Variants in ANOS1 observed in about 807,000 individuals in gnomAD.
ANOS1 encodes anosmin 1.
Under a neutral mutation model 59.0 loss-of-function variants are expected in ANOS1, and 6 were observed. The observed-to-expected ratio is 0.10, with a 90% CI of 0.06 to 0.20. ANOS1 has a LOEUF of 0.20. Ranked by LOEUF, ANOS1 falls within the 10% of genes least tolerant of loss-of-function variation. The probability of loss-of-function intolerance (pLI) is 1.00; values close to 1 mark genes in which losing one functional copy is unlikely to be tolerated. For synonymous variants in ANOS1, 217 were observed against 223.4 expected (o/e 0.97, Z 0.25); for missense variants, 433 against 542.3 (o/e 0.80, Z 2.00).
intron 2 of ANOS1, among the ~76,000 whole-genome samples, chrX:8,624,011 C>CTTTTTTTTTTTTTT (rs566769185): frequency 1.4e-5 from 1 of 69,414 alleles, no homozygotes; most frequent in African/African-American, 5.3e-5. Context: ...CTTTTCTTTT[C>CTTTTTTTTTTTTTT]TTTTTTTTTT....
intron 4 of ANOS1, among the ~76,000 whole-genome samples, chrX:8,595,212 T>C (rs951662657): frequency 3.6e-5 from 4 of 111,642 alleles, no homozygotes; most frequent in African/African-American, 1.3e-4. Flanking sequence ...TACTCATACA[T>C]AGCATATTAT....
intron 4 of ANOS1, among the ~76,000 whole-genome samples, chrX:8,594,918 T>C (rs1416150294): frequency 9.4e-6 from 1 of 106,226 alleles, no homozygotes. Context: ...AGCTAATTTG[T>C]AGTAGAAGAG....
intron 2 of ANOS1, among the ~76,000 whole-genome samples, chrX:8,698,943 G>A (rs1932723265): frequency 9.0e-6 from 1 of 111,506 alleles, no homozygotes; most frequent in East Asian, 2.8e-4. Flanking sequence ...AAAATAAGGT[G>A]TACTTCTATT....
At chrX:8,626,980 A>AT (rs1415721365) in intron 2 of ANOS1, among the ~76,000 whole-genome samples, 2 of 111,184 alleles carry the variant, frequency 1.8e-5, no homozygotes, top group Non-Finnish European at 3.8e-5. Context: ...CTTGTTACTT[A>AT]TTTTTTCTAG....
At chrX:8,639,648 ACTT>A (rs1333922452) in intron 2 of ANOS1, among the ~76,000 whole-genome samples, 2 of 112,420 alleles carry the variant, frequency 1.8e-5, no homozygotes, top group Non-Finnish European at 3.8e-5. Flanking sequence ...CTCATATCCA[ACTT>A]ACTCATTTTA....
chrX:8,653,109 A>G (rs5978936), intron 2 of ANOS1, among the ~76,000 whole-genome samples: 35,104 of 109,339 alleles, frequency 0.32, 6,573 homozygotes, highest in African/African-American at 0.71. Flanking sequence ...ACCCGCCTCA[A>G]CCTCCCAAAA....
rs190631963 is a variant in ANOS1 at position 8,570,604 on chromosome X, C to T, written c.957G>A (p.Glu319=). 1,245 of 1,209,316 alleles carry T rather than the reference C, an allele frequency of 1.0e-3. 15 individuals carry two copies. In the Admixed American group the frequency reaches 0.026, roughly 25 times the overall value. Reference sequence around the variant, plus strand: ...AATGATGCACAGGGATGTCCGGCTCCTCGGGGAGATCCCAAACTATAGTGA... The same window carrying T: ...AATGATGCACAGGGATGTCCGGCTCTTCGGGGAGATCCCAAACTATAGTGA... ...VTVTIVWDLP[E]EPDIPVHHYK... The change falls in exon 7 of 14, where the codon GAG becomes GAA. Residue 319 remains glutamate (E), a synonymous_variant. Transcript: ENST00000262648.
chrX:8,701,815 T>C (rs988274197), intron 1 of ANOS1, among the ~76,000 whole-genome samples: 9 of 111,638 alleles, frequency 8.1e-5, no homozygotes, highest in African/African-American at 2.6e-4. Context: ...AGCTTAATTA[T>C]AGGATCCCCC....
chrX:8,680,910 A>G (rs1932415177), intron 2 of ANOS1, among the ~76,000 whole-genome samples: 1 of 112,114 alleles, frequency 8.9e-6, no homozygotes, highest in Admixed American at 9.5e-5. Flanking sequence ...AAAAGCAGAC[A>G]TAAATTTCCC....
intron 2 of ANOS1, among the ~76,000 whole-genome samples, chrX:8,630,696 C>T (rs1931474992): frequency 8.9e-6 from 1 of 111,769 alleles, no homozygotes; most frequent in Non-Finnish European, 1.9e-5. Context: ...AAGGATAGCC[C>T]TTGGATTCAA....
At chrX:8,683,306 A>G (rs1349104669) in intron 2 of ANOS1, among the ~76,000 whole-genome samples, 1 of 110,985 alleles carries the variant, frequency 9.0e-6, no homozygotes, top group East Asian at 2.8e-4. Flanking sequence ...AGATATATTA[A>G]TCTTTTAATT....
At chrX:8,720,855 G>A (rs1172710478) in intron 1 of ANOS1, among the ~76,000 whole-genome samples, 1 of 111,994 alleles carries the variant, frequency 8.9e-6, no homozygotes. Context: ...GAGCCTAGGA[G>A]TGCAAAGCTA....
intron 8 of ANOS1, among the ~76,000 whole-genome samples, chrX:8,563,049 A>G (rs1410230010): frequency 8.9e-6 from 1 of 112,355 alleles, no homozygotes; most frequent in Non-Finnish European, 1.9e-5. Flanking sequence ...GAGATTATAT[A>G]TCAACACTGG....
rs1932453614 is a variant in ANOS1 at position 8,683,221 on chromosome X, G to T, written c.255+16477C>A. Among the ~76,000 whole-genome samples the T allele has an allele frequency of 4.5e-5, 5 of 111,533 alleles. No individual in the cohort carries two copies. The South Asian group carries it at 1.9e-3, about 43-fold the overall frequency. On this transcript the variant is annotated intron_variant, in intron 2 of 13. Coordinates refer to ENST00000262648, the MANE Select transcript of ANOS1 (RefSeq NM_000216.4). ...TTGAGAGATTTATCAGAAGGACTTT[G>T]CAGGCAGCTAGATAGAAAAGTAAAG... is the stretch of plus-strand genomic sequence containing the variant.
At chrX:8,687,338 A>T (rs942383661) in intron 2 of ANOS1, among the ~76,000 whole-genome samples, 4 of 110,634 alleles carry the variant, frequency 3.6e-5, no homozygotes, top group African/African-American at 1.3e-4. Context: ...GGCTTTGCTT[A>T]TACTTCATTG....
At chrX:8,633,226 G>A (rs112584448) in intron 2 of ANOS1, among the ~76,000 whole-genome samples, 1 of 111,528 alleles carries the variant, frequency 9.0e-6, no homozygotes, top group African/African-American at 3.3e-5. Context: ...GCTCTGAAAC[G>A]TCCGAAGGGC....
intron 9 of ANOS1, among the ~76,000 whole-genome samples, chrX:8,550,783 A>G (rs181504522): frequency 9.1e-6 from 1 of 110,440 alleles, no homozygotes; most frequent in African/African-American, 3.3e-5. Context: ...AGAAGGAAAA[A>G]AAAAAAAGAA....
chrX:8,680,290 C>A, intron 2 of ANOS1, among the ~76,000 whole-genome samples: 1 of 108,401 alleles, frequency 9.2e-6, no homozygotes, highest in South Asian at 4.2e-4. Flanking sequence ...GTGATCATAG[C>A]TCTCAGTGGT....
At chrX:8,569,236 T>G (rs1930175204) in intron 7 of ANOS1, among the ~76,000 whole-genome samples, 1 of 112,587 alleles carries the variant, frequency 8.9e-6, no homozygotes, top group African/African-American at 3.2e-5. Flanking sequence ...TCTAGATTCC[T>G]AAGTGATTCC....
Sources: gnomAD v4.1 joint callset for allele counts (sites outside exome capture counted in the v4.1 genomes callset) on GRCh38, gnomAD v4.1.1 for gene constraint, MANE v1.5 for transcripts, NCBI Gene and HGNC (gene_info 2026-07-23, HGNC 2026-07-21) for gene names.